Variants in STX8 observed in about 807,000 individuals in gnomAD.
The protein encoded by STX8 is syntaxin-8.
In STX8, 23 loss-of-function variants were observed where a neutral mutation model predicts 37.5. The ratio of observed to expected loss-of-function variants is 0.61; its 90% CI spans 0.44 to 0.87. The LOEUF (loss-of-function observed/expected upper bound fraction) is 0.87, where lower values mean the gene tolerates loss of function less well. Ranked by LOEUF, STX8 falls within the 40% of genes least tolerant of loss-of-function variation. STX8 has a pLI of 0.00. For synonymous variants in STX8, 115 were observed against 99.1 expected, an observed-to-expected ratio of 1.16 and a Z score of -0.95; for missense variants, 313 against 284.7, an observed-to-expected ratio of 1.10 and a Z score of -0.71.
rs996046735 is a variant in STX8 at position 9,507,259 on chromosome 17, T to C, written c.324-2097A>G. 6.6e-6 allele frequency among the ~76,000 whole-genome samples: 1 copy of C among 151,676 alleles called. No individual in the cohort carries two copies. Among genetic ancestry groups the C allele is most frequent in the Non-Finnish European group, 1.5e-5 (1 of 67,942 alleles). On this transcript the variant is annotated intron_variant, in intron 4 of 7. Transcript: ENST00000306357. This position sits in a 1 kb window ranked among gnomAD's most constrained non-coding sequence, Gnocchi z 4.0. ...GGGCCTGAGAAACAACCCTGCAGGC[T>C]GCCCCTGGCAGACATACCCCCAGGC...
intron 6 of STX8, among the ~76,000 whole-genome samples, chr17:9,452,046 T>C (rs1905058609): frequency 6.6e-6 from 1 of 152,208 alleles, no homozygotes; most frequent in African/African-American, 2.4e-5. Context: ...AATAATAATG[T>C]GTAACTATGA....
rs1027966015 is a variant in STX8 at position 9,439,204 on chromosome 17, T to C, written c.541+52625A>G. 1.4e-3 allele frequency among the ~76,000 whole-genome samples: 210 copies of C among 152,328 alleles called. 1 individual carries two copies. The highest frequency in any genetic ancestry group is 4.9e-3 in the African/African-American group (203 of 41,548). On this transcript the variant is annotated intron_variant, in intron 6 of 7. Coordinates refer to ENST00000306357, the MANE Select transcript of STX8 (RefSeq NM_004853.3). ...CATGATATCATTTGCTGGTTTCACC[T>C]GGGCCTGGTCCCAATTCTAGATAAG...
chr17:9,264,613 T>C (rs1298213324), intron 7 of STX8, among the ~76,000 whole-genome samples: 1 of 152,104 alleles, frequency 6.6e-6, no homozygotes, highest in Non-Finnish European at 1.5e-5. Flanking sequence ...CCTGATTTTT[T>C]AAACACAGCA....
intron 6 of STX8, among the ~76,000 whole-genome samples, chr17:9,420,921 G>T (rs182456262): frequency 1.3e-5 from 2 of 152,036 alleles, no homozygotes; most frequent in Non-Finnish European, 2.9e-5. Context: ...AGTACATTAG[G>T]GGGTGGAAAT....
chr17:9,475,779 C>T (rs1455060589), intron 6 of STX8, among the ~76,000 whole-genome samples: 2 of 152,186 alleles, frequency 1.3e-5, no homozygotes, highest in Non-Finnish European at 2.9e-5. Flanking sequence ...TTTACCTAAC[C>T]ATATATCCTA....
chr17:9,259,297 C>T (rs1054737747), intron 7 of STX8, among the ~76,000 whole-genome samples: 2 of 152,172 alleles, frequency 1.3e-5, no homozygotes, highest in African/African-American at 4.8e-5. Context: ...TGGTAACTCT[C>T]CCAACAATAA....
In STX8 at chr17:9,525,931, CAAT is replaced by C. The variant is rs1200327456; in HGVS notation, c.323+19238_323+19240del. ...ATCATGGTTACCTTCATTTTCCTGA[CAAT>C]GATGTGTAGTTAAAACTCAAACCCT... On this transcript the variant is annotated intron_variant, in intron 4 of 7. Coordinates refer to ENST00000306357, the MANE Select transcript of STX8 (RefSeq NM_004853.3). Among the ~76,000 whole-genome samples the C allele has an allele frequency of 3.9e-5, 6 of 152,336 alleles. No individual in the cohort carries two copies. In the East Asian group the frequency reaches 7.7e-4, roughly 20 times the overall value.
chr17:9,333,199 G>A (rs1037786106), intron 7 of STX8, among the ~76,000 whole-genome samples: 2 of 152,060 alleles, frequency 1.3e-5, no homozygotes, highest in Non-Finnish European at 2.9e-5. Flanking sequence ...TCCCCTCAGC[G>A]AGGTAGTGAG....
chr17:9,348,990 A>G (rs1910616371), intron 7 of STX8, among the ~76,000 whole-genome samples: 1 of 152,080 alleles, frequency 6.6e-6, no homozygotes, highest in Non-Finnish European at 1.5e-5. Flanking sequence ...ATACATACCT[A>G]CGATAAAGTT....
chr17:9,359,262 T>C (rs1488656827), intron 7 of STX8, among the ~76,000 whole-genome samples: 1 of 151,892 alleles, frequency 6.6e-6, no homozygotes, highest in Admixed American at 6.6e-5. Flanking sequence ...AGGCTGGTAT[T>C]GAACTCCTGA....
chr17:9,353,746 G>C (rs1041668191), intron 7 of STX8, among the ~76,000 whole-genome samples: 1 of 152,132 alleles, frequency 6.6e-6, no homozygotes, highest in Non-Finnish European at 1.5e-5. Flanking sequence ...GTATATTTAA[G>C]TCACTTACAT....
chr17:9,376,270 G>A (rs752295801), intron 7 of STX8, among the ~76,000 whole-genome samples: 4 of 151,846 alleles, frequency 2.6e-5, no homozygotes, highest in African/African-American at 4.8e-5. Context: ...CCCAATCAGC[G>A]CTCTGTGTCT....
chr17:9,433,657 T>A (rs1914051443), intron 6 of STX8, among the ~76,000 whole-genome samples: 1 of 148,886 alleles, frequency 6.7e-6, no homozygotes, highest in Admixed American at 6.7e-5. Context: ...TGTGGCCCCT[T>A]CTCTTAAGGA....
chr17:9,490,137 T>C (rs1906790917), intron 6 of STX8, among the ~76,000 whole-genome samples: 1 of 152,202 alleles, frequency 6.6e-6, no homozygotes, highest in South Asian at 2.1e-4. Flanking sequence ...CTATTAGAAT[T>C]GTAAAGAGAG....
intron 7 of STX8, among the ~76,000 whole-genome samples, chr17:9,338,031 T>C (rs962797515): frequency 1.4e-5 from 2 of 146,988 alleles, no homozygotes; most frequent in Non-Finnish European, 3.0e-5. Context: ...CTGAGGGCTT[T>C]GGGGCACCTC....
chr17:9,304,399 GC>G (rs1908885660), intron 7 of STX8, among the ~76,000 whole-genome samples: 1 of 151,026 alleles, frequency 6.6e-6, no homozygotes, highest in Non-Finnish European at 1.5e-5. Context: ...GGTGGCGCAT[GC>G]CTGTAATCCC....
At chr17:9,488,819 A>AGTGTGTGT (rs1244919629) in intron 6 of STX8, among the ~76,000 whole-genome samples, 19,515 of 91,544 alleles carry the variant, frequency 0.21, 1,180 homozygotes, top group Non-Finnish European at 0.24. Context: ...AGAGAGAGAG[A>AGTGTGTGT]GAGTGTGTGT....
chr17:9,414,183 G>T (rs1174855320), intron 6 of STX8, among the ~76,000 whole-genome samples: 1 of 141,540 alleles, frequency 7.1e-6, no homozygotes, highest in Non-Finnish European at 1.5e-5. Context: ...CATCCAAGAG[G>T]TGGCGAAAAT....
chr17:9,530,737 C>T (rs534379641), intron 4 of STX8, among the ~76,000 whole-genome samples: 1 of 152,300 alleles, frequency 6.6e-6, no homozygotes, highest in East Asian at 1.9e-4. Context: ...TTAATATATG[C>T]CCTGCAAATA....
Sources: allele counts gnomAD v4.1 joint callset (sites outside exome capture counted in the v4.1 genomes callset), GRCh38; gene constraint gnomAD v4.1.1; non-coding constraint Gnocchi (gnomAD v3.1); transcripts MANE v1.5; gene names NCBI Gene and HGNC (gene_info 2026-07-23, HGNC 2026-07-21).